The following SVIL variants were observed in gnomAD, a reference collection of about 807,000 sequenced individuals.
The protein encoded by SVIL is supervillin, also known as archvillin.
A neutral mutation model predicts 240.4 loss-of-function variants in SVIL; 101 were observed. The ratio of observed to expected loss-of-function variants is 0.42; its 90% CI spans 0.36 to 0.50. The LOEUF (loss-of-function observed/expected upper bound fraction) is 0.50, where lower values mean the gene tolerates loss of function less well. SVIL is among the 20% of genes least tolerant of loss of function. The pLI, the probability that SVIL is intolerant of heterozygous loss-of-function variation, is 0.01. For missense variants in SVIL, 2,512 were observed against 2,818.7 expected (o/e 0.89, Z 2.46); for synonymous variants, 999 against 1,100.0 (o/e 0.91, Z 1.82).
chr10:29,603,658 A>G (rs1453069867), intron 1 of SVIL, among the ~76,000 whole-genome samples: 2 of 152,206 alleles, frequency 1.3e-5, no homozygotes, highest in Admixed American at 1.3e-4. Flanking sequence ...GAATGAGCAA[A>G]GGGACCCTGC....
At chr10:29,645,043 C>T (rs1365400018) in intron 3 of SVIL, among the ~76,000 whole-genome samples, 1 of 151,948 alleles carries the variant, frequency 6.6e-6, no homozygotes, top group African/African-American at 2.4e-5. Flanking sequence ...ATGCAGAAAT[C>T]AACTGAATAA....
chr10:29,470,340 C>T lies in SVIL; in HGVS notation c.5779G>A (p.Gly1927Arg), dbSNP rs1564463208. 2 of 1,614,070 alleles carry T rather than the reference C, an allele frequency of 1.2e-6. No individual in the cohort carries two copies. The highest frequency in any genetic ancestry group is 1.7e-6 in the Non-Finnish European group (2 of 1,180,046). The change falls in exon 32 of 38, where the codon GGA becomes AGA. Residue 1927 changes from glycine (G) to arginine (R), a missense_variant. Gly to Arg is a moderately radical substitution (Grantham distance 125). Around this residue, in one of 3 missense-constraint regions of SVIL, gnomAD observed 797 missense variants for 925.3 expected, o/e 0.86. Transcript: ENST00000355867. The stretch of plus-strand genomic sequence containing the variant: ...TTCGTGTGGGCCTGGGCTTTGCATC[C>T]GTGCCACAGGTAGATGAGGGCCTTG... The part of the protein sequence containing the change: ...VNKALIYLWH[G>R]CKAQAHTKEV...
chr10:29,672,936 CAG>C (rs1959899612), intron 2 of SVIL, among the ~76,000 whole-genome samples: 1 of 152,224 alleles, frequency 6.6e-6, no homozygotes, highest in South Asian at 2.1e-4. Context: ...TGTTTTGAGA[CAG>C]AGTCTCACTC....
At chr10:29,533,596 T>C in intron 7 of SVIL, 138 bp from the exon 8 acceptor site, 7 of 1,383,784 alleles carry the variant, frequency 5.1e-6, no homozygotes, top group Non-Finnish European at 5.7e-6. Context: ...TTTTGGTGTC[T>C]AATGTCAACT....
chr10:29,468,393 C>T (rs1945166882), intron 32 of SVIL, among the ~76,000 whole-genome samples: 1 of 152,066 alleles, frequency 6.6e-6, no homozygotes, highest in South Asian at 2.1e-4. Flanking sequence ...CTTTTGGCCA[C>T]TATGACTAAT....
chr10:29,462,781 C>A (rs900351692), intron 35 of SVIL, among the ~76,000 whole-genome samples: 1 of 152,116 alleles, frequency 6.6e-6, no homozygotes, highest in Non-Finnish European at 1.5e-5. Context: ...TGACGGCGAA[C>A]GACAGCATCT....
intron 1 of SVIL, among the ~76,000 whole-genome samples, chr10:29,578,224 T>G (rs1266725769): frequency 6.6e-6 from 1 of 152,228 alleles, no homozygotes; most frequent in Non-Finnish European, 1.5e-5. Flanking sequence ...ATAACTCTGT[T>G]CATGTGTTTT....
intron 1 of SVIL, among the ~76,000 whole-genome samples, chr10:29,587,289 C>T (rs550656539): frequency 2.0e-5 from 3 of 152,238 alleles, no homozygotes; most frequent in East Asian, 1.9e-4. Flanking sequence ...CTCCGGGGCT[C>T]GGGTTCTCCG....
intron 1 of SVIL, among the ~76,000 whole-genome samples, chr10:29,731,131 G>A (rs1045163137): frequency 6.6e-6 from 1 of 151,978 alleles, no homozygotes; most frequent in Non-Finnish European, 1.5e-5. Flanking sequence ...TTACAACACT[G>A]TTCTGAAAAC....
chr10:29,716,296 C>G (rs1963607029), intron 1 of SVIL, among the ~76,000 whole-genome samples: 1 of 152,118 alleles, frequency 6.6e-6, no homozygotes, highest in Non-Finnish European at 1.5e-5. Flanking sequence ...CATTGTTTCT[C>G]TAGTTTATAA....
chr10:29,715,995 C>T (rs1159542728), intron 1 of SVIL, among the ~76,000 whole-genome samples: 1 of 152,142 alleles, frequency 6.6e-6, no homozygotes, highest in Non-Finnish European at 1.5e-5. Flanking sequence ...AAAACATGTT[C>T]CATTAAACAT....
At chr10:29,602,575 A>G (rs2488677) in intron 1 of SVIL, among the ~76,000 whole-genome samples, 32,168 of 152,276 alleles carry the variant, frequency 0.21, 3,459 homozygotes, top group Middle Eastern at 0.26. Flanking sequence ...ATGAAAATCT[A>G]TAGACCTATC....
rs570163630 is a variant in SVIL, at chr10:29,534,086, T to C, written c.909-628A>G. 1.7e-3 allele frequency among the ~76,000 whole-genome samples: 258 copies of C among 152,324 alleles called. 12 individuals carry two copies. The South Asian group carries it at 0.052, about 30-fold the overall frequency. On this transcript the variant is annotated intron_variant, in intron 7 of 37. Coordinates refer to ENST00000355867, the MANE Select transcript of SVIL (RefSeq NM_021738.3). ...AGGCATGTGGCCAGTCTGGGCATCA[T>C]TATGAATAATTCTAGCACCAAAAGA...
intron 2 of SVIL, among the ~76,000 whole-genome samples, chr10:29,677,268 T>C (rs894148158): frequency 3.3e-5 from 5 of 152,206 alleles, no homozygotes; most frequent in Non-Finnish European, 5.9e-5. Context: ...TTTCCAAGCA[T>C]GCAATGTGAA....
At chr10:29,524,393 T>C in intron 14 of SVIL, 79 bp downstream of exon 14, 2 of 1,581,848 alleles carry the variant, frequency 1.3e-6, no homozygotes, top group Non-Finnish European at 1.7e-6. Context: ...AATTACATCA[T>C]TGACCTCAGA....
intron 31 of SVIL, 57 bp from the exon 32 acceptor site, chr10:29,470,540 G>A (rs1015175235): frequency 7.6e-5 from 121 of 1,595,912 alleles, no homozygotes; most frequent in Middle Eastern, 1.9e-4. Flanking sequence ...GGCAGCAAAC[G>A]CGGCCCTTCC....
chr10:29,621,701 T>C (rs1589404947), intron 1 of SVIL, among the ~76,000 whole-genome samples: 1 of 151,998 alleles, frequency 6.6e-6, no homozygotes, highest in African/African-American at 2.4e-5. Context: ...GACCTGGGGG[T>C]CTGGCCTCTT....
chr10:29,578,204 C>T (rs1055612036), intron 1 of SVIL, among the ~76,000 whole-genome samples: 3 of 152,208 alleles, frequency 2.0e-5, no homozygotes, highest in African/African-American at 4.8e-5. Context: ...AATTCTCTCA[C>T]AACTCAGAGA....
intron 17 of SVIL, chr10:29,508,107 G>T: frequency 3.2e-6 from 1 of 309,716 alleles, no homozygotes; most frequent in Non-Finnish European, 6.4e-6. Flanking sequence ...TTCATTGACA[G>T]TTTTAACATT....
Sources: gnomAD v4.1 joint callset for allele counts (sites outside exome capture counted in the v4.1 genomes callset) on GRCh38, gnomAD v4.1.1 for gene constraint, gnomAD v4.1.1 regional missense constraint, MANE v1.5 for transcripts, NCBI Gene and HGNC (gene_info 2026-07-23, HGNC 2026-07-21) for gene names.